KIZ: variants seen among roughly 807,000 people sequenced by gnomAD.
The protein encoded by KIZ is centrosomal protein kizuna.
Under a neutral mutation model 79.6 loss-of-function variants are expected in KIZ, and 68 were observed. The ratio of observed to expected loss-of-function variants is 0.85; its 90% confidence interval spans 0.70 to 1.05. KIZ has a LOEUF of 1.05. Ranked by LOEUF, KIZ falls within the 50% of genes least tolerant of loss-of-function variation. KIZ has a pLI of 0.00. For synonymous variants in KIZ, 280 were observed against 281.8 expected (o/e 0.99, Z 0.06); for missense variants, 797 against 800.4 (o/e 1.00, Z 0.05).
At chr20:21,151,621 C>T (rs372502058) in intron 4 of KIZ, 2 of 152,036 alleles carry the variant, frequency 1.3e-5, no homozygotes, top group African/African-American at 2.4e-5. Flanking sequence ...CATAGGAGAA[C>T]GAGTATTGAG....
At chr20:21,159,283 G>A (rs949739411) in intron 4 of KIZ, among the ~76,000 whole-genome samples, 5 of 152,082 alleles carry the variant, frequency 3.3e-5, no homozygotes, top group Middle Eastern at 3.4e-3. Flanking sequence ...CCTCAGGGCC[G>A]GGAACTCTTC....
intron 1 of KIZ, among the ~76,000 whole-genome samples, chr20:21,131,307 A>G (rs16982500): frequency 0.13 from 20,291 of 152,252 alleles, 1,958 homozygotes; most frequent in African/African-American, 0.27. Context: ...GCACAGGTTC[A>G]GTCTTTACTG....
chr20:21,227,755 C>A (rs2036704334), intron 9 of KIZ, among the ~76,000 whole-genome samples: 2 of 152,138 alleles, frequency 1.3e-5, no homozygotes, highest in South Asian at 4.1e-4. Context: ...ACACTTTCGT[C>A]CCAGCGACCC....
At chr20:21,188,007 C>T (rs2034956808) in intron 6 of KIZ, among the ~76,000 whole-genome samples, 1 of 152,234 alleles carries the variant, frequency 6.6e-6, no homozygotes, top group Non-Finnish European at 1.5e-5. Context: ...TCTTCTCCCA[C>T]TCTCCTGTAC....
chr20:21,146,693 C>T lies in KIZ; in HGVS notation c.405+1039C>T, dbSNP rs962912386. On this transcript the variant is annotated intron_variant, in intron 4 of 12. Coordinates refer to ENST00000619189, the MANE Select transcript of KIZ (RefSeq NM_018474.6). ...ACTGTTGGGTATTTAAGACTCTTAT[C>T]AGAAAAGAAACAGAGGCCACACTAT... Among the ~76,000 whole-genome samples the T allele has an allele frequency of 1.1e-4, 17 of 152,276 alleles. No homozygotes were observed. In the East Asian group the frequency reaches 2.7e-3, roughly 24 times the overall value.
intron 6 of KIZ, among the ~76,000 whole-genome samples, chr20:21,172,144 A>G (rs1555879145): frequency 6.6e-6 from 1 of 152,232 alleles, no homozygotes; most frequent in Non-Finnish European, 1.5e-5. Context: ...GTTTTGAGGT[A>G]GTTTTTTATT....
intron 3 of KIZ, among the ~76,000 whole-genome samples, chr20:21,141,053 T>C (rs1240107272): frequency 1.3e-5 from 2 of 151,916 alleles, no homozygotes; most frequent in African/African-American, 4.8e-5. Flanking sequence ...AACCCAAGAA[T>C]GTAAATATTA....
intron 2 of KIZ, among the ~76,000 whole-genome samples, chr20:21,135,801 A>C (rs1351336967): frequency 2.6e-5 from 4 of 152,218 alleles, no homozygotes; most frequent in Non-Finnish European, 5.9e-5. Context: ...ACTTTGGATA[A>C]GAGTCTGAAA....
At chr20:21,234,290 T>C (rs1342603659) in intron 11 of KIZ, among the ~76,000 whole-genome samples, 1 of 152,070 alleles carries the variant, frequency 6.6e-6, no homozygotes. Flanking sequence ...TTAGTATCGT[T>C]TCCGTATGAA....
chr20:21,234,242 A>G (rs2036924417), intron 11 of KIZ, among the ~76,000 whole-genome samples: 1 of 151,998 alleles, frequency 6.6e-6, no homozygotes, highest in Admixed American at 6.6e-5. Flanking sequence ...AAAATCAAGC[A>G]TTTTCCTCCT....
chr20:21,221,945 C>T (rs967581304), intron 9 of KIZ, among the ~76,000 whole-genome samples: 3 of 151,954 alleles, frequency 2.0e-5, no homozygotes, highest in South Asian at 2.1e-4. Context: ...CCTGACAAGA[C>T]TCAGTCAAGA....
intron 3 of KIZ, among the ~76,000 whole-genome samples, chr20:21,137,188 G>T (rs1471236886): frequency 2.0e-5 from 3 of 152,228 alleles, no homozygotes; most frequent in Non-Finnish European, 4.4e-5. Flanking sequence ...TCCCCGAGGA[G>T]TTTGCCTTTA....
chr20:21,182,615 G>C (rs1397663824), intron 6 of KIZ, among the ~76,000 whole-genome samples: 2 of 151,976 alleles, frequency 1.3e-5, no homozygotes, highest in Non-Finnish European at 2.9e-5. Flanking sequence ...AGGCAACATG[G>C]CGAAACCCTA....
intron 11 of KIZ, among the ~76,000 whole-genome samples, chr20:21,240,442 G>A (rs987153838): frequency 1.6e-4 from 24 of 152,192 alleles, no homozygotes; most frequent in African/African-American, 3.4e-4. Context: ...TGAGACCGGC[G>A]GAACATGGTT....
intron 4 of KIZ, among the ~76,000 whole-genome samples, chr20:21,147,437 A>G (rs1987263374): frequency 6.6e-6 from 1 of 152,222 alleles, no homozygotes; most frequent in Non-Finnish European, 1.5e-5. Context: ...ATCATGTTTT[A>G]GTTAATCCTT....
intron 6 of KIZ, chr20:21,166,309 A>G (rs878993136): frequency 1.0e-5 from 16 of 1,603,794 alleles, no homozygotes; most frequent in Admixed American, 5.0e-5. Flanking sequence ...ACCAACTGGC[A>G]GGATGGAAGC....
Position 21,162,183 on chromosome 20 carries a change from G to C in KIZ, c.718G>C (p.Ala240Pro). Residue 240 changes from alanine (A) to proline (P), a missense_variant, in exon 5 of 13, where the codon GCC becomes CCC. Transcript: ENST00000619189. ...LQIGEKMPVT[A>P]SVLSEEEQTH... ...GATTGGTGAGAAAATGCCAGTCACAGCCAGTGTATTGTCTGAGGAGGAACA... is the reference window on the plus strand; with the variant it reads ...GATTGGTGAGAAAATGCCAGTCACACCCAGTGTATTGTCTGAGGAGGAACA... 1 of 1,612,052 alleles carries C rather than the reference G, an allele frequency of 6.2e-7. No individual in the cohort carries two copies. Among genetic ancestry groups the C allele is most frequent in the Non-Finnish European group, 8.5e-7 (1 of 1,178,948 alleles).
rs1298510963 is a variant in KIZ at position 21,229,059 on chromosome 20, C to T, written c.1727C>T (p.Thr576Ile). 6.2e-7 allele frequency: 1 copy of T among 1,612,518 alleles called. No individual in the cohort carries two copies. The highest frequency in any genetic ancestry group is 2.2e-5 in the East Asian group (1 of 44,872). Reference protein sequence around the residue: ...LLKKATLQDNTNQTENRFQKT... With the variant: ...LLKKATLQDNINQTENRFQKT... ...AAGAAGGCCACCCTTCAGGATAATA[C>T]AAATCAAACTGAAAACAGGTTTCAA... is the stretch of plus-strand genomic sequence containing the variant. The change falls in exon 10 of 13, where the codon ACA becomes ATA. Residue 576 changes from threonine (T) to isoleucine (I), a missense_variant. Transcript: ENST00000619189.
At chr20:21,218,820 G>A (rs1050563991) in intron 9 of KIZ, among the ~76,000 whole-genome samples, 8 of 152,184 alleles carry the variant, frequency 5.3e-5, no homozygotes, top group Admixed American at 2.0e-4. Context: ...TCCCTTGTGC[G>A]TGAGATTGCT....
Sources: gnomAD v4.1 joint callset for allele counts (sites outside exome capture counted in the v4.1 genomes callset) on GRCh38, gnomAD v4.1.1 for gene constraint, MANE v1.5 for transcripts, NCBI Gene and HGNC (gene_info 2026-07-23, HGNC 2026-07-21) for gene names.